Variants in CACNB2 observed in about 807,000 individuals in gnomAD.
CACNB2 encodes voltage-dependent L-type calcium channel subunit beta-2.
A neutral mutation model predicts 73.3 loss-of-function variants in CACNB2; 42 were observed. The observed-to-expected ratio is 0.57, with a 90% CI of 0.45 to 0.74. The LOEUF is 0.74. Ranked by LOEUF, CACNB2 falls within the 30% of genes least tolerant of loss-of-function variation. The pLI is 0.00. For missense variants in CACNB2, 940 were observed against 853.0 expected (o/e 1.10, Z -1.27); for synonymous variants, 348 against 310.3 (o/e 1.12, Z -1.28).
intron 2 of CACNB2, among the ~76,000 whole-genome samples, chr10:18,335,138 A>G (rs1274758618): frequency 6.6e-6 from 1 of 152,120 alleles, no homozygotes; most frequent in Admixed American, 6.5e-5. Context: ...GTAAAAAAAA[A>G]AAAAATACCG....
At chr10:18,222,451 G>A (rs1170765336) in intron 2 of CACNB2, among the ~76,000 whole-genome samples, 7 of 135,930 alleles carry the variant, frequency 5.1e-5, no homozygotes, top group East Asian at 4.2e-4. Context: ...GACCCTCTGC[G>A]AAATAAGAAC....
chr10:18,319,557 A>G (rs913503033), intron 2 of CACNB2, among the ~76,000 whole-genome samples: 1 of 152,182 alleles, frequency 6.6e-6, no homozygotes, highest in Admixed American at 6.5e-5. Flanking sequence ...TGGCACATGC[A>G]TACCTATGTA....
In CACNB2 at chr10:18,526,421, C is replaced by T. The variant is rs140908166; in HGVS notation, c.945-1167C>T. Among the ~76,000 whole-genome samples the T allele has an allele frequency of 6.1e-3, 927 of 152,298 alleles. 15 individuals carry two copies. Among genetic ancestry groups the T allele is most frequent in the African/African-American group, 0.022 (896 of 41,564 alleles). On this transcript the variant is annotated intron_variant, in intron 9 of 13. Coordinates refer to ENST00000324631, the MANE Select transcript of CACNB2 (RefSeq NM_201596.3). ...ATAACAAATGTAGGGTCTTGTACCA[C>T]ACAGGAAAAGAACTGTCACCTGGCT...
chr10:18,320,529 T>C (rs2040362735), intron 2 of CACNB2, among the ~76,000 whole-genome samples: 2 of 152,318 alleles, frequency 1.3e-5, no homozygotes, highest in Middle Eastern at 3.4e-3. Context: ...GGCAGTAGAA[T>C]GTGATGTTTG....
intron 2 of CACNB2, among the ~76,000 whole-genome samples, chr10:18,158,075 G>A (rs761486292): frequency 2.5e-4 from 38 of 152,232 alleles, no homozygotes; most frequent in Non-Finnish European, 4.1e-4. Flanking sequence ...TCCCACAAAA[G>A]TCATAGGAAC....
intron 2 of CACNB2, among the ~76,000 whole-genome samples, chr10:18,303,419 C>G (rs551670902): frequency 1.3e-5 from 2 of 151,966 alleles, no homozygotes; most frequent in Non-Finnish European, 2.9e-5. Flanking sequence ...ATAGAAGGCT[C>G]GCTTGAGCCC....
chr10:18,471,851 T>G (rs552801265), intron 3 of CACNB2, among the ~76,000 whole-genome samples: 2 of 152,352 alleles, frequency 1.3e-5, no homozygotes, highest in South Asian at 4.1e-4. Flanking sequence ...ATGAAATCTG[T>G]AAAGATGTTT....
intron 3 of CACNB2, among the ~76,000 whole-genome samples, chr10:18,432,712 T>G (rs1046899148): frequency 6.6e-6 from 1 of 152,046 alleles, no homozygotes; most frequent in Non-Finnish European, 1.5e-5. Context: ...GGAGTGTACC[T>G]GTAGTCCCAG....
At chr10:18,236,518 C>T (rs2036452372) in intron 2 of CACNB2, among the ~76,000 whole-genome samples, 1 of 152,188 alleles carries the variant, frequency 6.6e-6, no homozygotes, top group African/African-American at 2.4e-5. Context: ...TCAGTAGGCC[C>T]CCCAAGAGCA....
At chr10:18,293,795 G>T (rs555594217) in intron 2 of CACNB2, among the ~76,000 whole-genome samples, 1 of 152,292 alleles carries the variant, frequency 6.6e-6, no homozygotes, top group African/African-American at 2.4e-5. Flanking sequence ...CATTTGGTTG[G>T]TGTGTGCTGA....
rs1484173084 is a variant in CACNB2, at chr10:18,540,859, A to ATATG, written c.*1137_*1140dup. 2.0e-5 allele frequency: 3 copies of ATATG among 152,622 alleles called. No individual in the cohort carries two copies. The highest frequency in any genetic ancestry group is 7.2e-5 in the African/African-American group (3 of 41,442). The allele number at this position is 152,622 out of a possible 1,614,324, so 9.5% of individuals were successfully genotyped here. The stretch of plus-strand genomic sequence containing the variant: ...CGCTCTGTATTTAATTAATTGTGCT[A>ATATG]TATGTTGCTTTAACAACCCATTGAG... On this transcript the variant is annotated 3_prime_UTR_variant, in exon 14 of 14. Coordinates refer to ENST00000324631, the MANE Select transcript of CACNB2 (RefSeq NM_201596.3).
chr10:18,379,642 C>T (rs1415374408), intron 2 of CACNB2, among the ~76,000 whole-genome samples: 1 of 152,180 alleles, frequency 6.6e-6, no homozygotes, highest in Non-Finnish European at 1.5e-5. Flanking sequence ...CCATTAAGCA[C>T]TAACTCTCCA....
intron 2 of CACNB2, among the ~76,000 whole-genome samples, chr10:18,200,851 C>T (rs575424188): frequency 6.6e-6 from 1 of 152,256 alleles, no homozygotes; most frequent in Admixed American, 6.5e-5. Context: ...AAGTTGTTTT[C>T]TAATGCCCAC....
intron 2 of CACNB2, among the ~76,000 whole-genome samples, chr10:18,234,497 C>A (rs1274117852): frequency 6.6e-6 from 1 of 152,100 alleles, no homozygotes; most frequent in Admixed American, 6.5e-5. Context: ...ACCCAACTGT[C>A]CATCAGCAAA....
At chr10:18,150,385 C>G (rs534415456) in intron 1 of CACNB2, among the ~76,000 whole-genome samples, 2 of 152,216 alleles carry the variant, frequency 1.3e-5, no homozygotes, top group Non-Finnish European at 2.9e-5. Context: ...CCTCCTCAGC[C>G]GGGTGCAACG....
chr10:18,367,304 T>G (rs886628685), intron 2 of CACNB2, among the ~76,000 whole-genome samples: 1 of 152,186 alleles, frequency 6.6e-6, no homozygotes, highest in Non-Finnish European at 1.5e-5. Context: ...TATTTTGTTA[T>G]ATGCGGAATT....
intron 3 of CACNB2, among the ~76,000 whole-genome samples, chr10:18,428,064 A>T (rs892537404): frequency 1.3e-5 from 2 of 151,992 alleles, no homozygotes; most frequent in Admixed American, 1.3e-4. Context: ...GTTCAGTTCT[A>T]AGTATTTTCT....
intron 2 of CACNB2, among the ~76,000 whole-genome samples, chr10:18,283,602 T>C (rs1185847625): frequency 7.0e-6 from 1 of 142,130 alleles, no homozygotes; most frequent in African/African-American, 2.6e-5. Flanking sequence ...TTCTCACTCA[T>C]AGGTGGAAAC....
At chr10:18,516,804 T>C (rs1437526822) in intron 7 of CACNB2, among the ~76,000 whole-genome samples, 1 of 152,074 alleles carries the variant, frequency 6.6e-6, no homozygotes, top group African/African-American at 2.4e-5. Flanking sequence ...CACTGTATTA[T>C]GTTTGTCTTG....
Sources: gnomAD v4.1 joint callset for allele counts (sites outside exome capture counted in the v4.1 genomes callset) on GRCh38, gnomAD v4.1.1 for gene constraint, MANE v1.5 for transcripts, NCBI Gene and HGNC (gene_info 2026-07-23, HGNC 2026-07-21) for gene names.